COPG1: variants seen among roughly 807,000 people sequenced by gnomAD.
COPG1 encodes the protein coat protein complex I subunit gamma 1.
A neutral mutation model predicts 102.8 loss-of-function variants in COPG1; 29 were observed. That is an observed-to-expected ratio of 0.28 (90% CI 0.21 to 0.38). COPG1 has a LOEUF of 0.38. Ranked by LOEUF, COPG1 falls within the 10% of genes least tolerant of loss-of-function variation. COPG1 has a pLI of 1.00. For missense variants in COPG1, 875 were observed against 1,132.7 expected (o/e 0.77, Z 3.27); for synonymous variants, 406 against 421.6 (o/e 0.96, Z 0.45).
chr3:129,256,235 A>T, intron 8 of COPG1, 81 bp downstream of exon 8: 1 of 1,182,172 alleles, frequency 8.5e-7, no homozygotes. Flanking sequence ...GACACTTGCC[A>T]CCGAGATCCT....
Position 129,277,467 on chromosome 3 carries a change from C to T in COPG1, c.*43C>T. The T allele has an allele frequency of 6.3e-7, 1 of 1,599,988 alleles. No individual in the cohort carries two copies. On this transcript the variant is annotated 3_prime_UTR_variant, in exon 24 of 24. Coordinates refer to ENST00000314797, the MANE Select transcript of COPG1 (RefSeq NM_016128.4). The stretch of plus-strand genomic sequence containing the variant: ...GACCTCATACCCTTCCCCAACACTA[C>T]CTGGAAGTTGTGCCTTCCTCATGAA...
In COPG1 at chr3:129,271,161, G is replaced by C. The variant is rs1940174725; in HGVS notation, c.1844-606G>C. Among the ~76,000 whole-genome samples, 1 of 152,210 alleles carries C rather than the reference G, an allele frequency of 6.6e-6. No individual in the cohort carries two copies. The highest frequency in any genetic ancestry group is 2.4e-5 in the African/African-American group (1 of 41,450). On this transcript the variant is annotated intron_variant, in intron 18 of 23. Coordinates refer to ENST00000314797, the MANE Select transcript of COPG1 (RefSeq NM_016128.4). This position sits in a 1 kb window ranked among gnomAD's most constrained non-coding sequence, Gnocchi z 4.7. Reference sequence around the variant, plus strand: ...TCCCTTTAGTTTGCAAGGAATGCCAGGACCAGCCAGGGTGGGGTCCCATGG... The same window carrying C: ...TCCCTTTAGTTTGCAAGGAATGCCACGACCAGCCAGGGTGGGGTCCCATGG...
Position 129,260,355 on chromosome 3 carries a change from A to G in COPG1, c.894A>G (p.Ser298=). 6.2e-7 allele frequency: 1 copy of G among 1,614,062 alleles called. No homozygotes were observed. Among genetic ancestry groups the G allele is most frequent in the South Asian group, 1.1e-5 (1 of 91,074 alleles). Residue 298 remains serine (S), a synonymous_variant, in exon 11 of 24, where the codon TCA becomes TCG. Transcript: ENST00000314797. The part of the protein sequence containing the change: ...AVSVLQLFCS[S]PKAALRYAAV... ...CAGTGCTCCAGCTTTTCTGCAGCTC[A>G]CCCAAGGCTGCTCTCCGCTATGCTG...
chr3:129,268,443 G>A, intron 16 of COPG1, 52 bp from the exon 17 acceptor site: 1 of 1,600,890 alleles, frequency 6.2e-7, no homozygotes, highest in Non-Finnish European at 8.5e-7. Flanking sequence ...GGTGGTCCCT[G>A]GTGCACATTT....
intron 13 of COPG1, among the ~76,000 whole-genome samples, chr3:129,265,178 A>G (rs957097606): frequency 5.3e-5 from 8 of 151,732 alleles, no homozygotes; most frequent in Non-Finnish European, 1.0e-4. Flanking sequence ...TGCAGCCTCA[A>G]CCTCCTGGGA....
rs1560060420 is a variant in COPG1, at chr3:129,249,670, C to G, written c.-40C>G. 1 of 1,550,068 alleles carries G rather than the reference C, an allele frequency of 6.5e-7. No individual in the cohort carries two copies. The highest frequency in any genetic ancestry group is 2.4e-5 in the East Asian group (1 of 40,920). The stretch of plus-strand genomic sequence containing the variant: ...CACCGCTACTCCGTGCCGCGCCCGT[C>G]GAGCATTGCGTTGCTGCATTGCGCC... On this transcript the variant is annotated 5_prime_UTR_variant, in exon 1 of 24. Coordinates refer to ENST00000314797, the MANE Select transcript of COPG1 (RefSeq NM_016128.4).
rs748330556 is a variant in COPG1, at chr3:129,255,084, A to G, written c.492+7A>G. The G allele has an allele frequency of 7.5e-6, 12 of 1,605,494 alleles. No homozygotes were observed. The Admixed American group carries it at 2.0e-4, about 27-fold the overall frequency. ...TGCCCTCGTGTCTTCCTTGGTGTGT[A>G]GTTGCTGCTGGAGCCCTGCTGGGGG... On this transcript the variant is annotated splice_region_variant and intron_variant, in intron 7 of 23. Transcript: ENST00000314797.
intron 18 of COPG1, among the ~76,000 whole-genome samples, chr3:129,269,336 C>T (rs571203079): frequency 6.6e-6 from 1 of 152,284 alleles, no homozygotes; most frequent in South Asian, 2.1e-4. Flanking sequence ...GATTCAAAGA[C>T]ACTGGTACTT....
chr3:129,262,211 T>G (rs1939939065), intron 12 of COPG1, among the ~76,000 whole-genome samples: 1 of 151,860 alleles, frequency 6.6e-6, no homozygotes, highest in Non-Finnish European at 1.5e-5. Flanking sequence ...GCCTGAATTT[T>G]GAGACCAGTC....
intron 5 of COPG1, among the ~76,000 whole-genome samples, chr3:129,254,170 G>C (rs1939756874): frequency 1.3e-5 from 2 of 151,388 alleles, no homozygotes; most frequent in Non-Finnish European, 2.9e-5. Flanking sequence ...GGTGGCATGT[G>C]CCTGTAGTCC....
rs57394273 is a variant in COPG1 at position 129,275,862 on chromosome 3, T to C, written c.2494+570T>C. ...CCTCATTTTTTTTATAGTTGCTTAG[T>C]ATTCCATTGTGTGGATGCACCACAT... On this transcript the variant is annotated intron_variant, in intron 23 of 23. Coordinates refer to ENST00000314797, the MANE Select transcript of COPG1 (RefSeq NM_016128.4). The surrounding 1 kb of genome is among the most constrained non-coding windows in gnomAD (Gnocchi z 5.0). Among the ~76,000 whole-genome samples, 16,346 of 152,216 alleles carry C rather than the reference T, an allele frequency of 0.11. 2,480 individuals carry two copies. The highest frequency in any genetic ancestry group is 0.34 in the African/African-American group (13,949 of 41,474).
chr3:129,265,556 T>C lies in COPG1; in HGVS notation c.1232T>C (p.Phe411Ser). The change falls in exon 14 of 24, where the codon TTT (phenylalanine) becomes TCT (serine). Residue 411 changes from phenylalanine (F) to serine (S), a missense_variant. Physicochemically the swap from Phe to Ser is radical, Grantham distance 155. Coordinates refer to ENST00000314797, the MANE Select transcript of COPG1 (RefSeq NM_016128.4). ...LFTMLREEGGFEYKRAIVDCI... is the reference protein window; with the variant it reads ...LFTMLREEGGSEYKRAIVDCI... ...CTCAGCTTCTCTCTGCAGGGTGGCT[T>C]TGAGTATAAGCGCGCTATCGTGGAC... is the stretch of plus-strand genomic sequence containing the variant. 1 of 1,614,014 alleles carries C rather than the reference T, an allele frequency of 6.2e-7. No individual in the cohort carries two copies. Among genetic ancestry groups the C allele is most frequent in the East Asian group, 2.2e-5 (1 of 44,886 alleles).
In COPG1 at chr3:129,267,471, A is replaced by T. The variant is rs888740358; in HGVS notation, c.1544+372A>T. On this transcript the variant is annotated intron_variant, in intron 15 of 23. Transcript: ENST00000314797. ...CCCGTCTCTACTACAAATATAAAAA[A>T]TTAGCCAGGTGTGGTGGCGGGTGCC... Among the ~76,000 whole-genome samples the T allele has an allele frequency of 3.9e-5, 6 of 152,270 alleles. No homozygotes were observed. In the South Asian group the frequency reaches 6.2e-4, roughly 16 times the overall value.
At chr3:129,269,027 T>G in intron 18 of COPG1, 27 bp downstream of exon 18, 1 of 1,604,014 alleles carries the variant, frequency 6.2e-7, no homozygotes, top group Non-Finnish European at 8.5e-7. Flanking sequence ...GGGGGATGCT[T>G]GGGACCTGGG....
At chr3:129,254,793 C>T (rs781690771) in intron 6 of COPG1, 50 bp downstream of exon 6, 18 of 1,494,018 alleles carry the variant, frequency 1.2e-5, no homozygotes, top group African/African-American at 4.1e-5. Context: ...ATTGAGGCCT[C>T]GGCATCATCT....
chr3:129,271,794 G>A lies in COPG1; in HGVS notation c.1871G>A (p.Arg624His), dbSNP rs776568797. The A allele has an allele frequency of 4.1e-5, 66 of 1,614,084 alleles. No homozygotes were observed. The highest frequency in any genetic ancestry group is 1.8e-4 in the East Asian group (8 of 44,902). ...CAGTTGGCAGCAGTGCCAGAGTTCC[G>A]CGGTCTTGGGCCCCTCTTCAAGTCC... ...QEQLAAVPEF[R>H]GLGPLFKSSP... is the part of the protein sequence containing the mutation. Residue 624 changes from arginine (R) to histidine (H), a missense_variant, in exon 19 of 24, where the codon CGC becomes CAC. Physicochemically the swap from Arg to His is conservative, Grantham distance 29. Transcript: ENST00000314797. This position sits in a 1 kb window ranked among gnomAD's most constrained non-coding sequence, Gnocchi z 4.7.
At chr3:129,266,946 C>T (rs1940072474) in intron 14 of COPG1, 78 bp from the exon 15 acceptor site, 9 of 1,263,412 alleles carry the variant, frequency 7.1e-6, no homozygotes, top group Non-Finnish European at 1.0e-5. Context: ...CCTGAAGACC[C>T]ATTCTGAGTG....
Position 129,272,268 on chromosome 3 carries a change from G to T in COPG1, c.2011G>T (p.Asp671Tyr). 6.2e-7 allele frequency: 1 copy of T among 1,614,056 alleles called. No homozygotes were observed. The highest frequency in any genetic ancestry group is 1.1e-5 in the South Asian group (1 of 91,052). Residue 671 changes from aspartate (D) to tyrosine (Y), a missense_variant, in exon 20 of 24, where the codon GAC becomes TAC. Physicochemically the swap from Asp to Tyr is radical, Grantham distance 160. Transcript: ENST00000314797. ...FQFDCTNTLN[D>Y]QTLENVTVQM... ...GTTTGACTGCACAAACACACTCAAT[G>T]ACCAGACCTTGGAGAATGTCACAGT... is the stretch of plus-strand genomic sequence containing the variant.
chr3:129,267,157 T>C (rs1940077799), intron 15 of COPG1, 58 bp downstream of exon 15: 1 of 1,317,000 alleles, frequency 7.6e-7, no homozygotes, highest in African/African-American at 1.5e-5. Flanking sequence ...CCAAGCAGCT[T>C]TCCTTTGTCT....
Sources: gnomAD v4.1 joint callset for allele counts (sites outside exome capture counted in the v4.1 genomes callset) on GRCh38, gnomAD v4.1.1 for gene constraint, Gnocchi (gnomAD v3.1) non-coding constraint, MANE v1.5 for transcripts, NCBI Gene and HGNC (gene_info 2026-07-23, HGNC 2026-07-21) for gene names.